NMT2: variants seen among roughly 807,000 people sequenced by gnomAD.
NMT2 encodes N-myristoyltransferase 2.
A neutral mutation model predicts 65.4 loss-of-function variants in NMT2; 35 were observed. The ratio of observed to expected loss-of-function variants is 0.54; its 90% CI spans 0.41 to 0.71. NMT2 has a LOEUF of 0.71. Ranked by LOEUF, NMT2 falls within the 30% of genes least tolerant of loss-of-function variation. NMT2 has a pLI of 0.00. For synonymous variants in NMT2, 226 were observed against 231.8 expected, an observed-to-expected ratio of 0.98 and a Z score of 0.23; for missense variants, 489 against 611.3, an observed-to-expected ratio of 0.80 and a Z score of 2.11.
intron 2 of NMT2, among the ~76,000 whole-genome samples, chr10:15,135,772 C>A (rs1433500236): frequency 6.6e-6 from 1 of 151,106 alleles, no homozygotes; most frequent in Non-Finnish European, 1.5e-5. Context: ...CAGCCACGAG[C>A]CTTGGGTGGG....
rs771227309 is a variant in NMT2 at position 15,168,453 on chromosome 10, C to G, written c.110+50G>C. ...CACCCCCGAACGGGAGACCGTGGCG[C>G]GCGCGGTCCCCGCCCTGTCGCGCCC... On this transcript the variant is annotated intron_variant, in intron 1 of 11. Transcript: ENST00000378165. The G allele has an allele frequency of 5.1e-6, 7 of 1,385,888 alleles. No homozygotes were observed. In the African/African-American group the frequency reaches 1.0e-4, roughly 21 times the overall value. 85.8% of individuals were successfully genotyped at this position (1,385,888 alleles called of 1,614,324 possible). A position where few individuals can be genotyped will look rare whatever the true frequency, so the allele number is the denominator to read the frequency against.
chr10:15,165,948 ATACT>A (rs1426961665), intron 1 of NMT2, among the ~76,000 whole-genome samples: 39 of 152,248 alleles, frequency 2.6e-4, no homozygotes, highest in Middle Eastern at 3.4e-3. Flanking sequence ...GTATTTTATA[ATACT>A]TACGCCATTG....
intron 7 of NMT2, among the ~76,000 whole-genome samples, chr10:15,129,017 A>C (rs565977283): frequency 1.2e-4 from 19 of 152,278 alleles, no homozygotes; most frequent in African/African-American, 2.9e-4. Flanking sequence ...CACACACACA[A>C]AAAAGAAATA....
At chr10:15,129,599 A>T (rs1295637017) in intron 7 of NMT2, among the ~76,000 whole-genome samples, 1 of 152,266 alleles carries the variant, frequency 6.6e-6, no homozygotes, top group South Asian at 2.1e-4. Flanking sequence ...ATGGTATGAC[A>T]TTGGAATTTT....
intron 3 of NMT2, 124 bp from the exon 4 acceptor site, chr10:15,133,487 A>C (rs1356780718): frequency 2.8e-6 from 2 of 703,754 alleles, no homozygotes; most frequent in Admixed American, 4.5e-5. Flanking sequence ...CTCGGGTTTC[A>C]GATAATCTTT....
intron 1 of NMT2, among the ~76,000 whole-genome samples, chr10:15,162,251 C>CAAA (rs35457996): frequency 1.6e-4 from 11 of 68,114 alleles, no homozygotes; most frequent in East Asian, 8.1e-4. Context: ...GACCTTGTCT[C>CAAA]AAAAAAAAAA....
intron 1 of NMT2, among the ~76,000 whole-genome samples, chr10:15,161,062 G>A (rs1473781149): frequency 5.5e-5 from 6 of 108,466 alleles, no homozygotes; most frequent in Admixed American, 5.4e-4. Flanking sequence ...GTGACAGAGC[G>A]AGACTCTGCC....
chr10:15,113,048 C>T (rs1845618688), intron 9 of NMT2, 85 bp from the exon 10 acceptor site: 1 of 1,370,652 alleles, frequency 7.3e-7, no homozygotes, highest in Non-Finnish European at 1.0e-6. Context: ...TCTCCCTTGC[C>T]CCAGAGAACG....
chr10:15,128,951 T>C (rs975741554), intron 7 of NMT2, among the ~76,000 whole-genome samples: 1 of 152,122 alleles, frequency 6.6e-6, no homozygotes, highest in African/African-American at 2.4e-5. Context: ...GTTGCAGCAG[T>C]AAGCCGAGAT....
At chr10:15,149,156 C>A (rs1588444425) in intron 1 of NMT2, among the ~76,000 whole-genome samples, 1 of 150,982 alleles carries the variant, frequency 6.6e-6, no homozygotes, top group African/African-American at 2.4e-5. Context: ...ATCGCCATCA[C>A]CACCATCACT....
chr10:15,107,366 T>C lies in NMT2; in HGVS notation c.*1829A>G, dbSNP rs376622015. The stretch of plus-strand genomic sequence containing the variant: ...GATATGATTGGTTTCACTGGACTCA[T>C]AACTTGAAGGAAATGCCATCATGTC... On this transcript the variant is annotated 3_prime_UTR_variant, in exon 12 of 12. Transcript: ENST00000378165. 859 of 985,454 alleles carry C rather than the reference T, an allele frequency of 8.7e-4. 7 individuals are homozygous for C. In the African/African-American group the frequency reaches 0.014, roughly 16 times the overall value. The allele number at this position is 985,454 out of a possible 1,614,324, so 61.0% of individuals were successfully genotyped here.
At chr10:15,150,652 C>T (rs1485104340) in intron 1 of NMT2, among the ~76,000 whole-genome samples, 1 of 152,070 alleles carries the variant, frequency 6.6e-6, no homozygotes, top group African/African-American at 2.4e-5. Flanking sequence ...TCAGAGCCGT[C>T]CCAAAAGTGT....
chr10:15,141,395 G>A, intron 2 of NMT2, 27 bp downstream of exon 2: 1 of 1,613,026 alleles, frequency 6.2e-7, no homozygotes, highest in Non-Finnish European at 8.5e-7. Flanking sequence ...AAACCACACA[G>A]AGGAAAAAAT....
chr10:15,162,978 C>G (rs1833253026), intron 1 of NMT2, among the ~76,000 whole-genome samples: 1 of 151,630 alleles, frequency 6.6e-6, no homozygotes, highest in South Asian at 2.1e-4. Context: ...GTTGCCCAGG[C>G]TGGAGTACAG....
At chr10:15,110,372 T>C (rs1164502288) in intron 10 of NMT2, among the ~76,000 whole-genome samples, 1 of 152,198 alleles carries the variant, frequency 6.6e-6, no homozygotes, top group Admixed American at 6.5e-5. Flanking sequence ...CCCAGCACTT[T>C]GGGAGGCCAA....
chr10:15,167,592 A>G (rs889880189), intron 1 of NMT2, among the ~76,000 whole-genome samples: 7 of 152,210 alleles, frequency 4.6e-5, no homozygotes, highest in African/African-American at 1.7e-4. Context: ...GTAAAAGGGT[A>G]ATGTAAACAG....
intron 9 of NMT2, among the ~76,000 whole-genome samples, chr10:15,113,502 GA>G (rs1845644253): frequency 7.6e-6 from 1 of 131,798 alleles, no homozygotes; most frequent in Non-Finnish European, 1.6e-5. Context: ...AAGAAAGATA[GA>G]AGCAGAATGT....
chr10:15,109,239 T>G (rs1845422182), intron 11 of NMT2, 24 bp from the exon 12 acceptor site: 1 of 1,602,676 alleles, frequency 6.2e-7, no homozygotes, highest in Admixed American at 1.8e-5. Context: ...AGAAATGGAA[T>G]AGTAAGAAAA....
chr10:15,166,336 T>G (rs1222490737), intron 1 of NMT2, among the ~76,000 whole-genome samples: 1 of 152,258 alleles, frequency 6.6e-6, no homozygotes, highest in East Asian at 1.9e-4. Flanking sequence ...ATGTTCTTAC[T>G]GATTCATCCA....
Sources: gnomAD v4.1 joint callset for allele counts (sites outside exome capture counted in the v4.1 genomes callset) on GRCh38, gnomAD v4.1.1 for gene constraint, MANE v1.5 for transcripts, NCBI Gene and HGNC (gene_info 2026-07-23, HGNC 2026-07-21) for gene names.